Variants in AHI1 observed in about 807,000 individuals in gnomAD.
The protein encoded by AHI1 is jouberin.
Under a neutral mutation model 149.3 loss-of-function variants are expected in AHI1, and 123 were observed. The ratio of observed to expected loss-of-function variants is 0.82; its 90% CI spans 0.71 to 0.96. The LOEUF (loss-of-function observed/expected upper bound fraction) is 0.96. Among genes scored for constraint, AHI1 ranks in the 40% least tolerant of loss-of-function variants. The pLI, the probability that AHI1 is intolerant of heterozygous loss-of-function variation, is 0.00. For missense variants in AHI1, 1,439 were observed against 1,422.7 expected, an observed-to-expected ratio of 1.01 and a Z score of -0.18; for synonymous variants, 475 against 459.8, an observed-to-expected ratio of 1.03 and a Z score of -0.42.
intron 14 of AHI1, among the ~76,000 whole-genome samples, chr6:135,442,342 T>C (rs1002741361): frequency 6.6e-6 from 1 of 152,202 alleles, no homozygotes; most frequent in East Asian, 1.9e-4. Flanking sequence ...TCCTCCTGCA[T>C]GTTTTAAAAA....
chr6:135,472,597 C>T (rs746532166), intron 5 of AHI1, among the ~76,000 whole-genome samples: 4 of 152,158 alleles, frequency 2.6e-5, no homozygotes, highest in South Asian at 2.1e-4. Flanking sequence ...TGTACTATTT[C>T]GCATTTTTAT....
intron 28 of AHI1, among the ~76,000 whole-genome samples, chr6:135,287,985 C>T (rs1369414493): frequency 1.3e-5 from 2 of 151,860 alleles, no homozygotes; most frequent in Non-Finnish European, 2.9e-5. Flanking sequence ...ATCCCAGCTA[C>T]TCGGGAGGCT....
intron 3 of AHI1, chr6:135,495,380 C>T (rs1019997822): frequency 2.6e-5 from 4 of 152,214 alleles, no homozygotes; most frequent in African/African-American, 9.7e-5. Flanking sequence ...ACATGTGAAA[C>T]TACCTGCAGG....
intron 24 of AHI1, among the ~76,000 whole-genome samples, chr6:135,350,830 G>C (rs1562554883): frequency 2.0e-5 from 3 of 152,102 alleles, no homozygotes; most frequent in Admixed American, 1.3e-4. Flanking sequence ...GGATGATGCT[G>C]AAGAGACAGA....
In AHI1 at chr6:135,330,870, T is replaced by C. The variant is rs183246116; in HGVS notation, c.3166-7546A>G. 2.9e-3 allele frequency among the ~76,000 whole-genome samples: 444 copies of C among 152,360 alleles called. 2 individuals carry two copies. The highest frequency in any genetic ancestry group is 4.4e-3 in the Non-Finnish European group (298 of 68,036). On this transcript the variant is annotated intron_variant, in intron 24 of 28. Transcript: ENST00000265602. ...GATCATCATATTGTATGTAGTAAACTTCTTTGCTTGTGTTAATTTGGCAGT... is the reference window on the plus strand; with the variant it reads ...GATCATCATATTGTATGTAGTAAACCTCTTTGCTTGTGTTAATTTGGCAGT...
At chr6:135,288,188 G>T (rs1451228100) in intron 28 of AHI1, among the ~76,000 whole-genome samples, 2 of 152,010 alleles carry the variant, frequency 1.3e-5, no homozygotes, top group African/African-American at 2.4e-5. Flanking sequence ...TACTTCTGTG[G>T]CAAGACACCA....
chr6:135,330,630 A>G (rs1788426324), intron 24 of AHI1, among the ~76,000 whole-genome samples: 1 of 152,216 alleles, frequency 6.6e-6, no homozygotes, highest in South Asian at 2.1e-4. Flanking sequence ...TCAAGGTATG[A>G]CTGTACAGAA....
chr6:135,483,029 C>G (rs1325783873), intron 5 of AHI1, among the ~76,000 whole-genome samples: 1 of 150,744 alleles, frequency 6.6e-6, no homozygotes, highest in Admixed American at 6.6e-5. Context: ...GTAGCTGGGA[C>G]TACAGCTGCC....
intron 28 of AHI1, among the ~76,000 whole-genome samples, chr6:135,287,496 A>G (rs1474408093): frequency 3.3e-5 from 5 of 152,204 alleles, no homozygotes; most frequent in Non-Finnish European, 5.9e-5. Flanking sequence ...AGAGTGGCAC[A>G]CTGGCTTGAT....
At chr6:135,351,573 C>T (rs1176881818) in intron 24 of AHI1, among the ~76,000 whole-genome samples, 1 of 152,176 alleles carries the variant, frequency 6.6e-6, no homozygotes, top group Non-Finnish European at 1.5e-5. Flanking sequence ...AACATTGCTT[C>T]TCAATGTGAG....
rs142787495 is a variant in AHI1, at chr6:135,330,647, C to T, written c.3166-7323G>A. Among the ~76,000 whole-genome samples the T allele has an allele frequency of 8.4e-4, 128 of 152,300 alleles. 2 individuals are homozygous for T. In the East Asian group the frequency reaches 0.018, roughly 21 times the overall value. ...AAGGTATGACTGTACAGAATTGCTA[C>T]GCAATGAGGAATCAGGGTGGTTTCA... On this transcript the variant is annotated intron_variant, in intron 24 of 28. Coordinates refer to ENST00000265602, the MANE Select transcript of AHI1 (RefSeq NM_001134831.2).
At position 135,496,079 on chromosome 6, in the gene AHI1, T is replaced by C. The variant is rs116820667; in HGVS notation, c.-139-181A>G. 7.6e-3 allele frequency among the ~76,000 whole-genome samples: 1,161 copies of C among 152,274 alleles called. 20 individuals are homozygous for C. The highest frequency in any genetic ancestry group is 0.027 in the African/African-American group (1,103 of 41,568). ...ACTAAACTAATAAATACTAATATTA[T>C]GTAATGATAACACAGCAAATACAGT... is the stretch of plus-strand genomic sequence containing the variant. On this transcript the variant is annotated intron_variant, in intron 2 of 28. Coordinates refer to ENST00000265602, the MANE Select transcript of AHI1 (RefSeq NM_001134831.2).
chr6:135,306,218 G>A (rs2128359465), intron 26 of AHI1, among the ~76,000 whole-genome samples: 1 of 152,290 alleles, frequency 6.6e-6, no homozygotes, highest in East Asian at 1.9e-4. Flanking sequence ...AGGTGAGTGG[G>A]GATGGGGATC....
intron 26 of AHI1, among the ~76,000 whole-genome samples, chr6:135,312,250 T>C (rs1423337001): frequency 1.3e-5 from 2 of 152,136 alleles, no homozygotes; most frequent in Non-Finnish European, 2.9e-5. Flanking sequence ...CGGTGGCTCA[T>C]GCCTATAATC....
chr6:135,356,758 A>C (rs1793036448), intron 24 of AHI1, among the ~76,000 whole-genome samples: 1 of 152,164 alleles, frequency 6.6e-6, no homozygotes, highest in Non-Finnish European at 1.5e-5. Flanking sequence ...TACATACTAC[A>C]GTCAAGTTCT....
intron 8 of AHI1, among the ~76,000 whole-genome samples, chr6:135,460,095 A>G (rs1789631749): frequency 6.6e-6 from 1 of 152,116 alleles, no homozygotes; most frequent in African/African-American, 2.4e-5. Flanking sequence ...AGGTGGGAAG[A>G]TCGCTTGAAC....
chr6:135,323,059 T>C (rs1787114248), intron 25 of AHI1, 103 bp downstream of exon 25: 4 of 1,270,490 alleles, frequency 3.1e-6, no homozygotes, highest in Admixed American at 5.8e-5. Flanking sequence ...GGTAAACATA[T>C]GCAAAGGTTA....
chr6:135,325,554 T>C (rs4896144), intron 24 of AHI1, among the ~76,000 whole-genome samples: 142,880 of 152,274 alleles, frequency 0.94, 67,106 homozygotes, highest in African/African-American at 0.98. Context: ...GCCATGTATC[T>C]TTATTTCCAT....
chr6:135,392,594 T>C (rs1326109612), intron 23 of AHI1, among the ~76,000 whole-genome samples: 1 of 152,234 alleles, frequency 6.6e-6, no homozygotes, highest in Non-Finnish European at 1.5e-5. Flanking sequence ...AGTGAGATTT[T>C]TATTTTTAAA....
Sources: gnomAD v4.1 joint callset for allele counts (sites outside exome capture counted in the v4.1 genomes callset) on GRCh38, gnomAD v4.1.1 for gene constraint, MANE v1.5 for transcripts, NCBI Gene and HGNC (gene_info 2026-07-23, HGNC 2026-07-21) for gene names.